Variants in MBNL2 observed in about 807,000 individuals in gnomAD.
The protein encoded by MBNL2 is muscleblind like splicing regulator 2.
MBNL2 carries 17 observed loss-of-function variants against 41.9 expected under a neutral mutation model. That is an observed-to-expected ratio of 0.41 (90% CI 0.28 to 0.61). The LOEUF (loss-of-function observed/expected upper bound fraction) is 0.61. MBNL2 is among the 20% of genes least tolerant of loss of function. MBNL2 has a pLI of 0.35. For synonymous variants in MBNL2, 195 were observed against 182.9 expected (o/e 1.07, Z -0.53); for missense variants, 336 against 505.6 (o/e 0.66, Z 3.22).
chr13:97,185,431 G>A, the MBNL2 span, among the ~76,000 whole-genome samples: 13 of 152,304 alleles, frequency 8.5e-5, no homozygotes, highest in African/African-American at 2.4e-4. Flanking sequence ...CTGAGAATAT[G>A]TTACCTTACA....
chr13:97,144,114 G>A, the MBNL2 span, among the ~76,000 whole-genome samples: 1 of 152,174 alleles, frequency 6.6e-6, no homozygotes, highest in Admixed American at 6.5e-5. Context: ...AAAGCACTAG[G>A]ATTACGGGCA....
chr13:97,204,694 G>C, the MBNL2 span, among the ~76,000 whole-genome samples: 1 of 152,142 alleles, frequency 6.6e-6, no homozygotes, highest in South Asian at 2.1e-4. Flanking sequence ...TTCTTGAGGA[G>C]CAGGGAGTGG....
intron 1 of MBNL2, among the ~76,000 whole-genome samples, chr13:97,249,658 T>A (rs1249190460): frequency 6.6e-6 from 1 of 152,228 alleles, no homozygotes; most frequent in Non-Finnish European, 1.5e-5. Flanking sequence ...AAATATTTAA[T>A]CCCATGCCTA....
intron 1 of MBNL2, among the ~76,000 whole-genome samples, chr13:97,273,589 A>G (rs952863263): frequency 1.1e-4 from 17 of 152,338 alleles, no homozygotes; most frequent in Middle Eastern, 3.4e-3. Context: ...TGTGCATGCA[A>G]TTATAACTCA....
chr13:97,148,016 G>A, the MBNL2 span, among the ~76,000 whole-genome samples: 2 of 152,156 alleles, frequency 1.3e-5, no homozygotes, highest in Non-Finnish European at 2.9e-5. Context: ...ACCCTGAGCT[G>A]CCAATGTACA....
chr13:97,390,852 A>T (rs1415260982), intron 8 of MBNL2, among the ~76,000 whole-genome samples: 1 of 152,184 alleles, frequency 6.6e-6, no homozygotes, highest in Non-Finnish European at 1.5e-5. Flanking sequence ...TAAAAATGCA[A>T]GTTAATAGAT....
chr13:97,177,016 A>T, the MBNL2 span, among the ~76,000 whole-genome samples: 2 of 152,192 alleles, frequency 1.3e-5, no homozygotes, highest in Admixed American at 6.5e-5. Context: ...AGGTACAAAA[A>T]ATGTATAGTT....
intron 3 of MBNL2, among the ~76,000 whole-genome samples, chr13:97,340,322 C>T (rs2061348216): frequency 6.6e-6 from 1 of 152,134 alleles, no homozygotes; most frequent in Non-Finnish European, 1.5e-5. Flanking sequence ...TATGAACTTG[C>T]AACTTTCAGT....
intron 3 of MBNL2, among the ~76,000 whole-genome samples, chr13:97,336,224 A>G (rs2060870754): frequency 6.6e-6 from 1 of 152,240 alleles, no homozygotes; most frequent in Admixed American, 6.5e-5. Context: ...ACACTTAAAT[A>G]TTTTAATAGA....
chr13:97,247,414 C>T (rs1594089282), intron 1 of MBNL2, among the ~76,000 whole-genome samples: 1 of 152,116 alleles, frequency 6.6e-6, no homozygotes, highest in South Asian at 2.1e-4. Flanking sequence ...CTTTGATTCC[C>T]CTTAAAAGTG....
the MBNL2 span, among the ~76,000 whole-genome samples, chr13:97,165,562 T>C: frequency 1.3e-5 from 2 of 152,196 alleles, no homozygotes; most frequent in African/African-American, 4.8e-5. Context: ...AAAATCATAT[T>C]CAACATTGTA....
the MBNL2 span, among the ~76,000 whole-genome samples, chr13:97,142,668 T>C: frequency 2.6e-5 from 4 of 152,310 alleles, no homozygotes; most frequent in East Asian, 7.7e-4. Flanking sequence ...CTTTCCTAGG[T>C]ATCTCCTCTC....
intron 8 of MBNL2, among the ~76,000 whole-genome samples, chr13:97,389,879 A>C (rs764398570): frequency 6.6e-6 from 1 of 152,138 alleles, no homozygotes; most frequent in African/African-American, 2.4e-5. Context: ...AAGGGATGAA[A>C]TCAAAACATT....
At chr13:97,205,170 CA>C in the MBNL2 span, among the ~76,000 whole-genome samples, 714 of 113,592 alleles carry the variant, frequency 6.3e-3, 4 homozygotes, top group African/African-American at 0.012. Flanking sequence ...GACTCTGTCT[CA>C]AAAAAAAAAA....
At chr13:97,385,637 C>T (rs2892854) in intron 8 of MBNL2, among the ~76,000 whole-genome samples, 66,017 of 151,940 alleles carry the variant, frequency 0.43, 14,589 homozygotes, top group Middle Eastern at 0.58. Context: ...TTGAAATGAG[C>T]ACTTTTACAT....
chr13:97,156,535 C>A, the MBNL2 span, among the ~76,000 whole-genome samples: 4 of 134,926 alleles, frequency 3.0e-5, no homozygotes, highest in African/African-American at 1.2e-4. Context: ...TTAGGTCTAA[C>A]GTTTAAGTCT....
At chr13:97,159,467 C>A in the MBNL2 span, among the ~76,000 whole-genome samples, 15,653 of 150,068 alleles carry the variant, frequency 0.1, 908 homozygotes, top group South Asian at 0.16. Flanking sequence ...TTTGCTCGTT[C>A]GTTGATGCAG....
intron 1 of MBNL2, among the ~76,000 whole-genome samples, chr13:97,274,181 A>C (rs979499939): frequency 2.6e-5 from 4 of 152,028 alleles, no homozygotes; most frequent in Non-Finnish European, 2.9e-5. Context: ...TTAAGGGAAC[A>C]CTTGTGAACC....
At chr13:97,382,918 C>T (rs1363903322) in intron 8 of MBNL2, among the ~76,000 whole-genome samples, 4 of 152,038 alleles carry the variant, frequency 2.6e-5, no homozygotes, top group African/African-American at 9.7e-5. Flanking sequence ...CCTTTTCTGG[C>T]ACCTGCTGAG....
Sources: gnomAD v4.1 joint callset for allele counts (sites outside exome capture counted in the v4.1 genomes callset) on GRCh38, gnomAD v4.1.1 for gene constraint, MANE v1.5 for transcripts, NCBI Gene and HGNC (gene_info 2026-07-23, HGNC 2026-07-21) for gene names.